DLGAP2: variants seen among roughly 807,000 people sequenced by gnomAD.
The protein encoded by DLGAP2 is disks large-associated protein 2.
In DLGAP2, 26 loss-of-function variants were observed where a neutral mutation model predicts 100.3. The observed-to-expected ratio is 0.26, with a 90% confidence interval of 0.19 to 0.36. The LOEUF is 0.36. DLGAP2 is among the 10% of genes least tolerant of loss of function. The pLI, the probability that DLGAP2 is intolerant of heterozygous loss-of-function variation, is 1.00. For missense variants in DLGAP2, 1,858 were observed against 1,453.2 expected, an observed-to-expected ratio of 1.28 and a Z score of -4.53; for synonymous variants, 886 against 630.1, an observed-to-expected ratio of 1.41 and a Z score of -6.08.
intron 2 of DLGAP2, among the ~76,000 whole-genome samples, chr8:1,161,665 G>C (rs1487436407): frequency 6.6e-6 from 1 of 152,214 alleles, no homozygotes; most frequent in Non-Finnish European, 1.5e-5. Flanking sequence ...TAGGGAAATG[G>C]AGCCTACCTA....
chr8:1,491,130 G>GAA (rs778427136), intron 3 of DLGAP2, among the ~76,000 whole-genome samples: 1 of 68,100 alleles, frequency 1.5e-5, no homozygotes, highest in Non-Finnish European at 3.5e-5. Context: ...CAGAGCAAAA[G>GAA]AAAAAAAAAA....
chr8:851,832 G>A (rs201447665), intron 1 of DLGAP2, among the ~76,000 whole-genome samples: 18 of 152,116 alleles, frequency 1.2e-4, no homozygotes, highest in Admixed American at 7.2e-4. Flanking sequence ...TGACTGTTCC[G>A]TGACTGCTGG....
At chr8:1,086,322 A>AT (rs1026905851) in intron 2 of DLGAP2, among the ~76,000 whole-genome samples, 1 of 152,160 alleles carries the variant, frequency 6.6e-6, no homozygotes, top group Non-Finnish European at 1.5e-5. Flanking sequence ...AAGAGTGGGC[A>AT]TTTTTGTCTT....
intron 1 of DLGAP2, among the ~76,000 whole-genome samples, chr8:794,123 T>G (rs1201171334): frequency 1.3e-5 from 2 of 150,314 alleles, no homozygotes; most frequent in Admixed American, 1.3e-4. Flanking sequence ...CTTGTGGTGT[T>G]GTAGATTAGA....
chr8:1,173,890 A>T lies in DLGAP2; in HGVS notation c.74-84961A>T, dbSNP rs1319007897. Reference sequence around the variant, plus strand: ...TCCCGCACGGTGCACGCACCCACTGACCTGCGCCCACCTCTGGCACTCCCT... The same window carrying T: ...TCCCGCACGGTGCACGCACCCACTGTCCTGCGCCCACCTCTGGCACTCCCT... On this transcript the variant is annotated intron_variant, in intron 2 of 14. Transcript: ENST00000637795. 2.0e-5 allele frequency among the ~76,000 whole-genome samples: 3 copies of T among 152,272 alleles called. No individual in the cohort carries two copies. The East Asian group carries it at 5.8e-4, about 29-fold the overall frequency.
chr8:1,572,852 G>A (rs1470039865), intron 6 of DLGAP2, among the ~76,000 whole-genome samples: 1 of 108,940 alleles, frequency 9.2e-6, no homozygotes, highest in Non-Finnish European at 1.9e-5. Flanking sequence ...GGAGAGGAGA[G>A]AGGGTTGAAC....
chr8:785,221 C>CAAAAAAAAAAAAAAAAAAAA (rs55781731), intron 1 of DLGAP2, among the ~76,000 whole-genome samples: 1 of 60,820 alleles, frequency 1.6e-5, no homozygotes, highest in Non-Finnish European at 2.8e-5. Flanking sequence ...GACTCCGCCT[C>CAAAAAAAAAAAAAAAAAAAA]AAAAAAAAAA....
intron 2 of DLGAP2, among the ~76,000 whole-genome samples, chr8:1,008,091 T>C (rs916104242): frequency 6.6e-6 from 1 of 152,218 alleles, no homozygotes; most frequent in Non-Finnish European, 1.5e-5. Flanking sequence ...TATTTTCTTT[T>C]TCATCCAAAT....
At chr8:1,634,472 C>T (rs952147941) in intron 8 of DLGAP2, among the ~76,000 whole-genome samples, 3 of 152,186 alleles carry the variant, frequency 2.0e-5, no homozygotes, top group South Asian at 2.1e-4. Flanking sequence ...GGGCACCCTG[C>T]GTAGCCTCCT....
intron 3 of DLGAP2, among the ~76,000 whole-genome samples, chr8:1,439,580 C>G (rs1483543227): frequency 2.6e-5 from 4 of 152,164 alleles, no homozygotes; most frequent in African/African-American, 7.2e-5. Flanking sequence ...AACACGGTCT[C>G]CAGTCACTTT....
Position 1,551,163 on chromosome 8 carries a change from A to G in DLGAP2, c.1230+1480A>G, listed in dbSNP as rs532041513. On this transcript the variant is annotated intron_variant, in intron 5 of 14. Transcript: ENST00000637795. ...TATTCAGAGACAAATTGGTAGTTGC[A>G]TAAAATATTATTTTATAGCAATGGA... is the stretch of plus-strand genomic sequence containing the variant. Among the ~76,000 whole-genome samples the G allele has an allele frequency of 1.0e-4, 16 of 152,410 alleles. No individual in the cohort carries two copies. The South Asian group carries it at 3.1e-3, about 30-fold the overall frequency.
chr8:1,425,633 A>G (rs972788170), intron 3 of DLGAP2, among the ~76,000 whole-genome samples: 2 of 152,194 alleles, frequency 1.3e-5, no homozygotes, highest in Non-Finnish European at 2.9e-5. Flanking sequence ...ATGGTCTTCC[A>G]CAAGCCTAGA....
chr8:1,189,606 C>T (rs1470969429), intron 2 of DLGAP2, among the ~76,000 whole-genome samples: 1 of 152,190 alleles, frequency 6.6e-6, no homozygotes, highest in African/African-American at 2.4e-5. Flanking sequence ...TATTTTTTGT[C>T]ATTCAAGCAC....
intron 3 of DLGAP2, among the ~76,000 whole-genome samples, chr8:1,278,343 C>G (rs1407567174): frequency 6.6e-6 from 1 of 152,210 alleles, no homozygotes; most frequent in African/African-American, 2.4e-5. Context: ...AGAGCCTCAG[C>G]TCTCTGGGGA....
At chr8:1,189,492 A>T (rs1278230474) in intron 2 of DLGAP2, among the ~76,000 whole-genome samples, 1 of 152,206 alleles carries the variant, frequency 6.6e-6, no homozygotes, top group South Asian at 2.1e-4. Context: ...CACTCAAGCA[A>T]CTAGTGTAGA....
At chr8:935,588 G>C (rs1563102509) in intron 2 of DLGAP2, among the ~76,000 whole-genome samples, 1 of 152,292 alleles carries the variant, frequency 6.6e-6, no homozygotes, top group Non-Finnish European at 1.5e-5. Flanking sequence ...CTCTTGGACG[G>C]TGTGGCTCTG....
chr8:1,589,824 G>A (rs553708986), intron 6 of DLGAP2, among the ~76,000 whole-genome samples: 3 of 152,278 alleles, frequency 2.0e-5, no homozygotes, highest in Admixed American at 1.3e-4. Context: ...TGAGGAATGC[G>A]CATTTGAGTA....
At position 1,258,814 on chromosome 8, in the gene DLGAP2, T is replaced by C. The variant is rs1799282644; in HGVS notation, c.74-37T>C. The stretch of plus-strand genomic sequence containing the variant: ...CTTTTTAACTGCATGGTTGAGACCC[T>C]GTGGGTGTAACAGCTTCTCTCTGTC... On this transcript the variant is annotated intron_variant, in intron 2 of 14. Transcript: ENST00000637795. The C allele has an allele frequency of 2.4e-6, 3 of 1,231,344 alleles. No homozygotes were observed. The African/African-American group carries it at 4.7e-5, about 19-fold the overall frequency. The allele number at this position is 1,231,344 out of a possible 1,614,324, so 76.3% of individuals were successfully genotyped here.
intron 3 of DLGAP2, among the ~76,000 whole-genome samples, chr8:1,314,474 G>A (rs1563077246): frequency 6.6e-6 from 1 of 152,182 alleles, no homozygotes; most frequent in Admixed American, 6.5e-5. Flanking sequence ...TGTAACAAAA[G>A]CATTTTGGGA....
Sources: gnomAD v4.1 joint callset for allele counts (sites outside exome capture counted in the v4.1 genomes callset) on GRCh38, gnomAD v4.1.1 for gene constraint, MANE v1.5 for transcripts, NCBI Gene and HGNC (gene_info 2026-07-23, HGNC 2026-07-21) for gene names.